The following SLC6A11 variants were observed in gnomAD, a reference collection of about 807,000 sequenced individuals.
SLC6A11 encodes the protein solute carrier family 6 member 11.
A neutral mutation model predicts 74.8 loss-of-function variants in SLC6A11; 25 were observed. That is an observed-to-expected ratio of 0.33 (90% CI 0.24 to 0.47). The LOEUF (loss-of-function observed/expected upper bound fraction) is 0.47. SLC6A11 is among the 20% of genes least tolerant of loss of function. The probability of loss-of-function intolerance (pLI) is 1.00; values close to 1 mark genes in which losing one functional copy is unlikely to be tolerated. For synonymous variants in SLC6A11, 330 were observed against 330.2 expected (o/e 1.00, Z 0.01); for missense variants, 574 against 837.0 (o/e 0.69, Z 3.88).
At chr3:10,893,936 T>C (rs1322617241) in intron 6 of SLC6A11, among the ~76,000 whole-genome samples, 1 of 152,200 alleles carries the variant, frequency 6.6e-6, no homozygotes, top group African/African-American at 2.4e-5. Context: ...ATTCTTAGTT[T>C]TACAGCTCAA....
chr3:10,830,742 G>A (rs1456365119), intron 4 of SLC6A11, among the ~76,000 whole-genome samples: 1 of 152,152 alleles, frequency 6.6e-6, no homozygotes, highest in Non-Finnish European at 1.5e-5. Flanking sequence ...AGGCTGTTTG[G>A]GGAATGGCAA....
At position 10,934,743 on chromosome 3, in the gene SLC6A11, C is replaced by T. The variant is rs905765757; in HGVS notation, c.1576-286C>T. ...TAAAAATTCCTAACTGGGCAGAGGCCGGGGAAGAGGCTCCTGGGGGTGGGG... is the reference window on the plus strand; with the variant it reads ...TAAAAATTCCTAACTGGGCAGAGGCTGGGGAAGAGGCTCCTGGGGGTGGGG... On this transcript the variant is annotated intron_variant, in intron 12 of 13. Transcript: ENST00000254488. 7.2e-5 allele frequency among the ~76,000 whole-genome samples: 11 copies of T among 152,212 alleles called. No individual in the cohort carries two copies. In the East Asian group the frequency reaches 1.2e-3, roughly 16 times the overall value.
intron 4 of SLC6A11, among the ~76,000 whole-genome samples, chr3:10,842,881 G>A (rs1475379361): frequency 6.6e-6 from 1 of 152,186 alleles, no homozygotes; most frequent in Non-Finnish European, 1.5e-5. Context: ...GAGGGAGCCT[G>A]TAGATGAGTG....
At chr3:10,826,200 A>G (rs908486556) in intron 4 of SLC6A11, among the ~76,000 whole-genome samples, 1 of 152,246 alleles carries the variant, frequency 6.6e-6, no homozygotes, top group South Asian at 2.1e-4. Context: ...GAGTAGTGCT[A>G]CTTAAATGTG....
At chr3:10,834,702 G>A (rs1025731539) in intron 4 of SLC6A11, among the ~76,000 whole-genome samples, 8 of 152,320 alleles carry the variant, frequency 5.3e-5, no homozygotes, top group Middle Eastern at 3.4e-3. Flanking sequence ...GGATGGGGGA[G>A]AAGCGCCAGA....
chr3:10,920,666 G>A (rs751420559), intron 8 of SLC6A11, among the ~76,000 whole-genome samples: 13 of 152,218 alleles, frequency 8.5e-5, no homozygotes, highest in Non-Finnish European at 1.3e-4. Context: ...ACTATGCCCT[G>A]CACAACTCCA....
chr3:10,836,099 TA>T (rs1694363698), intron 4 of SLC6A11, among the ~76,000 whole-genome samples: 1 of 152,252 alleles, frequency 6.6e-6, no homozygotes, highest in African/African-American at 2.4e-5. Context: ...ACATTGCATA[TA>T]AATGGAACCA....
intron 6 of SLC6A11, among the ~76,000 whole-genome samples, chr3:10,878,403 C>CT (rs1694936435): frequency 6.9e-6 from 1 of 144,002 alleles, no homozygotes. Context: ...ATCCACTCAT[C>CT]CTTTTTTTTT....
intron 5 of SLC6A11, among the ~76,000 whole-genome samples, chr3:10,866,588 G>T (rs1162402753): frequency 1.3e-5 from 2 of 152,070 alleles, no homozygotes; most frequent in Middle Eastern, 3.2e-3. Flanking sequence ...CCCACACACG[G>T]GCTAATTTTC....
At chr3:10,934,561 G>T (rs1695733884) in intron 12 of SLC6A11, among the ~76,000 whole-genome samples, 1 of 152,204 alleles carries the variant, frequency 6.6e-6, no homozygotes, top group Non-Finnish European at 1.5e-5. Flanking sequence ...CCTGAGACCG[G>T]ACCACAGCGG....
At chr3:10,935,661 A>G (rs936372232) in intron 13 of SLC6A11, among the ~76,000 whole-genome samples, 2 of 152,224 alleles carry the variant, frequency 1.3e-5, no homozygotes, top group African/African-American at 4.8e-5. Flanking sequence ...TGCAGTTAGC[A>G]GGCAGAGGAA....
intron 5 of SLC6A11, among the ~76,000 whole-genome samples, chr3:10,845,409 C>T (rs561622540): frequency 2.0e-5 from 3 of 152,272 alleles, no homozygotes; most frequent in Non-Finnish European, 2.9e-5. Flanking sequence ...GGAAATGAAG[C>T]GTCTCTCATG....
intron 13 of SLC6A11, among the ~76,000 whole-genome samples, chr3:10,936,836 C>G (rs563330535): frequency 2.6e-5 from 4 of 152,196 alleles, no homozygotes; most frequent in Admixed American, 2.6e-4. Flanking sequence ...AGATCATCTC[C>G]GGCCTGGTGT....
At chr3:10,839,237 C>A (rs979404447) in intron 4 of SLC6A11, among the ~76,000 whole-genome samples, 12 of 152,198 alleles carry the variant, frequency 7.9e-5, no homozygotes, top group African/African-American at 2.7e-4. Context: ...CCCTTGTACC[C>A]TGTGGCCCCT....
intron 6 of SLC6A11, among the ~76,000 whole-genome samples, chr3:10,897,791 G>A (rs898225565): frequency 6.6e-6 from 1 of 152,202 alleles, no homozygotes; most frequent in Non-Finnish European, 1.5e-5. Context: ...CCACTAGGTG[G>A]TGTCCCAGTA....
chr3:10,851,056 A>C (rs564036173), intron 5 of SLC6A11, among the ~76,000 whole-genome samples: 7 of 152,250 alleles, frequency 4.6e-5, no homozygotes, highest in African/African-American at 1.4e-4. Flanking sequence ...TGCCCTCTGC[A>C]GACAGCCACC....
At chr3:10,838,612 G>C (rs906491144) in intron 4 of SLC6A11, among the ~76,000 whole-genome samples, 2 of 152,210 alleles carry the variant, frequency 1.3e-5, no homozygotes, top group African/African-American at 4.8e-5. Context: ...AGCCAGGCTT[G>C]GTGGCAGGCA....
At chr3:10,869,466 T>C (rs6442211) in intron 5 of SLC6A11, among the ~76,000 whole-genome samples, 99,232 of 152,216 alleles carry the variant, frequency 0.65, 33,836 homozygotes, top group African/African-American at 0.84. Context: ...AGGAATCCTC[T>C]GCCTGTGGGG....
At chr3:10,924,730 A>T (rs985461472) in intron 8 of SLC6A11, among the ~76,000 whole-genome samples, 1 of 152,244 alleles carries the variant, frequency 6.6e-6, no homozygotes, top group Admixed American at 6.5e-5. Context: ...GACAATAAAC[A>T]TGTGAAGATA....
Sources: allele counts gnomAD v4.1 joint callset (sites outside exome capture counted in the v4.1 genomes callset), GRCh38; gene constraint gnomAD v4.1.1; transcripts MANE v1.5; gene names NCBI Gene and HGNC (gene_info 2026-07-23, HGNC 2026-07-21).